Variants in ATE1 observed in about 807,000 individuals in gnomAD.
The protein encoded by ATE1 is arginyltransferase 1.
A neutral mutation model predicts 70.5 loss-of-function variants in ATE1; 36 were observed. That is an observed-to-expected ratio of 0.51 (90% CI 0.39 to 0.67). The LOEUF (loss-of-function observed/expected upper bound fraction) is 0.67. Ranked by LOEUF, ATE1 falls within the 30% of genes least tolerant of loss-of-function variation. The pLI is 0.00. For synonymous variants in ATE1, 232 were observed against 219.3 expected, an observed-to-expected ratio of 1.06 and a Z score of -0.51; for missense variants, 593 against 629.5, an observed-to-expected ratio of 0.94 and a Z score of 0.62.
intron 11 of ATE1, among the ~76,000 whole-genome samples, chr10:121,770,390 T>A (rs1945462986): frequency 6.6e-6 from 1 of 152,160 alleles, no homozygotes; most frequent in African/African-American, 2.4e-5. Flanking sequence ...AGTTTAGTTA[T>A]TTTAACATAA....
intron 7 of ATE1, chr10:121,898,770 C>G (rs1950868662): frequency 6.5e-7 from 1 of 1,547,518 alleles, no homozygotes; most frequent in Non-Finnish European, 8.8e-7. Flanking sequence ...CTCCACCTGA[C>G]AAGAAAATGG....
At chr10:121,801,491 C>T (rs894398960) in intron 10 of ATE1, among the ~76,000 whole-genome samples, 3 of 151,258 alleles carry the variant, frequency 2.0e-5, no homozygotes, top group Non-Finnish European at 4.4e-5. Context: ...ACTGAAGGGT[C>T]GTAAGTTGAA....
intron 11 of ATE1, among the ~76,000 whole-genome samples, chr10:121,747,104 T>A (rs1442546973): frequency 1.3e-5 from 2 of 152,196 alleles, no homozygotes; most frequent in African/African-American, 4.8e-5. Flanking sequence ...CAGCTTGGGA[T>A]GGCATGGAGG....
At chr10:121,853,987 CA>C (rs1487293974) in intron 8 of ATE1, among the ~76,000 whole-genome samples, 1 of 152,164 alleles carries the variant, frequency 6.6e-6, no homozygotes, top group Non-Finnish European at 1.5e-5. Context: ...AATCACTTTC[CA>C]AAAGGCCTCA....
chr10:121,834,818 C>T lies in ATE1; in HGVS notation c.1257+1900G>A, dbSNP rs149935540. ...CAAGAGAAATGCTGTGAGACTGGAA[C>T]GGCCATCACAGATGAGACATAAAAG... On this transcript the variant is annotated intron_variant, in intron 10 of 11. Transcript: ENST00000224652. Among the ~76,000 whole-genome samples the T allele has an allele frequency of 3.2e-3, 492 of 152,268 alleles. 2 individuals are homozygous for T. The highest frequency in any genetic ancestry group is 5.5e-3 in the Non-Finnish European group (374 of 68,014).
intron 3 of ATE1, among the ~76,000 whole-genome samples, chr10:121,919,957 C>T (rs1951815342): frequency 2.0e-5 from 3 of 151,862 alleles, no homozygotes; most frequent in Admixed American, 2.0e-4. Context: ...GGCAGGAGGC[C>T]AGCTCTCATC....
intron 11 of ATE1, among the ~76,000 whole-genome samples, chr10:121,769,130 C>T (rs923861203): frequency 6.6e-6 from 1 of 152,092 alleles, no homozygotes; most frequent in Non-Finnish European, 1.5e-5. Flanking sequence ...TAACTTTTCC[C>T]TAATTTCAAG....
At chr10:121,768,880 A>C (rs1945384955) in intron 11 of ATE1, among the ~76,000 whole-genome samples, 1 of 152,134 alleles carries the variant, frequency 6.6e-6, no homozygotes, top group African/African-American at 2.4e-5. Flanking sequence ...GAAAACTACA[A>C]ACTGCTGATG....
At chr10:121,758,410 A>C (rs1030976828) in intron 11 of ATE1, among the ~76,000 whole-genome samples, 1 of 152,244 alleles carries the variant, frequency 6.6e-6, no homozygotes. Flanking sequence ...GATTCTTTCC[A>C]AAAGAATTAA....
intron 11 of ATE1, among the ~76,000 whole-genome samples, chr10:121,758,940 C>G (rs942085473): frequency 2.0e-5 from 3 of 151,658 alleles, no homozygotes; most frequent in Non-Finnish European, 4.4e-5. Context: ...TGCCCTTCTG[C>G]TGTCTTTCTC....
intron 1 of ATE1, chr10:121,926,907 C>CCGCT (rs1239240383): frequency 1.0e-6 from 1 of 985,320 alleles, no homozygotes; most frequent in African/African-American, 1.7e-5. Context: ...CTACTCAAAA[C>CCGCT]CGCTGCCCAC....
intron 11 of ATE1, among the ~76,000 whole-genome samples, chr10:121,749,035 G>T (rs1488581224): frequency 6.6e-6 from 1 of 152,112 alleles, no homozygotes; most frequent in Admixed American, 6.6e-5. Context: ...TTTGTCAACT[G>T]TCCCAAATTC....
intron 8 of ATE1, among the ~76,000 whole-genome samples, chr10:121,866,213 C>T (rs540768740): frequency 1.9e-3 from 282 of 152,280 alleles, no homozygotes; most frequent in African/African-American, 6.5e-3. Context: ...CTGGTGGAGA[C>T]TTAGGGGTAG....
At chr10:121,806,823 C>T (rs1354508236) in intron 10 of ATE1, among the ~76,000 whole-genome samples, 3 of 152,162 alleles carry the variant, frequency 2.0e-5, no homozygotes, top group Admixed American at 1.3e-4. Flanking sequence ...TTCAGGTGAA[C>T]GTACACGGGT....
At chr10:121,903,562 C>T (rs1016553134) in intron 5 of ATE1, among the ~76,000 whole-genome samples, 1 of 152,068 alleles carries the variant, frequency 6.6e-6, no homozygotes, top group African/African-American at 2.4e-5. Flanking sequence ...TAGCACACAC[C>T]TGTAATCCCA....
intron 1 of ATE1, among the ~76,000 whole-genome samples, chr10:121,926,148 G>T (rs1350533391): frequency 6.6e-6 from 1 of 152,168 alleles, no homozygotes; most frequent in East Asian, 1.9e-4. Flanking sequence ...GGTGGAGGTT[G>T]CAGTGAGCAA....
intron 10 of ATE1, among the ~76,000 whole-genome samples, chr10:121,791,105 T>TTTG (rs1179740512): frequency 7.1e-6 from 1 of 141,484 alleles, no homozygotes; most frequent in Admixed American, 7.2e-5. Context: ...TATTTTTTTT[T>TTTG]TTTTTTGAGA....
chr10:121,909,617 T>C (rs1429246298), intron 5 of ATE1, among the ~76,000 whole-genome samples: 1 of 152,208 alleles, frequency 6.6e-6, no homozygotes, highest in Non-Finnish European at 1.5e-5. Context: ...TACTATTCAA[T>C]CTATGTTCAT....
Position 121,927,941 on chromosome 10 carries a change from G to T in ATE1, c.9C>A (p.Phe3Leu), listed in dbSNP as rs79570924. Reference protein sequence around the residue: MAFWAGGSPSVVD... With the variant: MALWAGGSPSVVD... The stretch of plus-strand genomic sequence containing the variant: ...CGACGCTGGGCGAACCCCCCGCCCA[G>T]AAAGCCATGGCCTCGGCCCCGCGAA... The change falls in exon 1 of 12, where the codon TTC becomes TTA. Residue 3 changes from phenylalanine to leucine, a missense_variant. Phe to Leu is a conservative substitution (Grantham distance 22). Coordinates refer to ENST00000224652, the MANE Select transcript of ATE1 (RefSeq NM_001001976.3). 6.4e-7 allele frequency: 1 copy of T among 1,565,464 alleles called. No homozygotes were observed. The highest frequency in any genetic ancestry group is 1.4e-5 in the African/African-American group (1 of 70,818).
Sources: gnomAD v4.1 joint callset for allele counts (sites outside exome capture counted in the v4.1 genomes callset) on GRCh38, gnomAD v4.1.1 for gene constraint, MANE v1.5 for transcripts, NCBI Gene and HGNC (gene_info 2026-07-23, HGNC 2026-07-21) for gene names.